Variants in PDGFRL observed in about 807,000 individuals in gnomAD.
PDGFRL encodes platelet-derived growth factor receptor-like protein.
In PDGFRL, 46 loss-of-function variants were observed where a neutral mutation model predicts 37.2. The ratio of observed to expected loss-of-function variants is 1.24; its 90% confidence interval spans 0.98 to 1.58. The LOEUF (loss-of-function observed/expected upper bound fraction) is 1.58, where lower values mean the gene tolerates loss of function less well. PDGFRL is among the 40% of genes most tolerant of loss of function. The pLI, the probability that PDGFRL is intolerant of heterozygous loss-of-function variation, is 0.00. For missense variants in PDGFRL, 692 were observed against 467.6 expected (o/e 1.48, Z -4.43); for synonymous variants, 251 against 184.3 (o/e 1.36, Z -2.93).
At chr8:17,635,642 G>C (rs1394454171) in intron 5 of PDGFRL, among the ~76,000 whole-genome samples, 1 of 152,198 alleles carries the variant, frequency 6.6e-6, no homozygotes, top group Admixed American at 6.5e-5. Context: ...TAGATACCCA[G>C]TAATGGGATT....
At chr8:17,583,689 G>T (rs1585296830) in intron 1 of PDGFRL, among the ~76,000 whole-genome samples, 1 of 152,160 alleles carries the variant, frequency 6.6e-6, no homozygotes, top group Non-Finnish European at 1.5e-5. Context: ...GACCCCTCAT[G>T]AATGGCTTGT....
chr8:17,641,105 C>A (rs574897676), intron 5 of PDGFRL, among the ~76,000 whole-genome samples: 16 of 152,124 alleles, frequency 1.1e-4, no homozygotes, highest in Non-Finnish European at 2.4e-4. Flanking sequence ...CCCAAAGGGC[C>A]GGTCTCACTC....
At chr8:17,633,409 T>C (rs1260084150) in intron 4 of PDGFRL, among the ~76,000 whole-genome samples, 3 of 152,092 alleles carry the variant, frequency 2.0e-5, no homozygotes, top group African/African-American at 7.2e-5. Flanking sequence ...GCGCCTGTAG[T>C]CCCAGCTACT....
chr8:17,619,340 T>G (rs1237204939), intron 2 of PDGFRL, among the ~76,000 whole-genome samples: 1 of 152,192 alleles, frequency 6.6e-6, no homozygotes, highest in African/African-American at 2.4e-5. Context: ...TAATTACCAT[T>G]GAAATTGGCT....
At chr8:17,602,185 A>T (rs60174905) in intron 2 of PDGFRL, among the ~76,000 whole-genome samples, 33,352 of 151,812 alleles carry the variant, frequency 0.22, 4,311 homozygotes, top group African/African-American at 0.33. Flanking sequence ...CTCATTGTGG[A>T]TTTGGTTTGG....
intron 2 of PDGFRL, among the ~76,000 whole-genome samples, chr8:17,597,997 C>G (rs1392829649): frequency 2.0e-5 from 1 of 49,742 alleles, no homozygotes; most frequent in Non-Finnish European, 1.8e-4. Flanking sequence ...TAGTTCCCAG[C>G]TTGTGGCTTT....
intron 3 of PDGFRL, among the ~76,000 whole-genome samples, chr8:17,621,994 A>G (rs1804645707): frequency 6.6e-6 from 1 of 152,078 alleles, no homozygotes; most frequent in Admixed American, 6.6e-5. Context: ...TGTGAATACT[A>G]TGAGCTGAGA....
At chr8:17,591,978 C>T (rs750699391) in intron 2 of PDGFRL, among the ~76,000 whole-genome samples, 4 of 152,120 alleles carry the variant, frequency 2.6e-5, no homozygotes, top group African/African-American at 4.8e-5. Context: ...ATGTTCACAA[C>T]GATTTATATT....
intron 2 of PDGFRL, among the ~76,000 whole-genome samples, chr8:17,620,572 G>A (rs1434042392): frequency 6.6e-6 from 1 of 152,004 alleles, no homozygotes; most frequent in Non-Finnish European, 1.5e-5. Context: ...TTTAAGTTAG[G>A]GTTCACATCT....
intron 1 of PDGFRL, among the ~76,000 whole-genome samples, chr8:17,586,754 T>C (rs1175282120): frequency 1.3e-5 from 2 of 152,212 alleles, no homozygotes; most frequent in Non-Finnish European, 2.9e-5. Context: ...ATTACAGTTA[T>C]TATGAGGTAG....
chr8:17,627,985 C>CTTTTTTT (rs1236164534), intron 3 of PDGFRL, among the ~76,000 whole-genome samples: 13 of 124,046 alleles, frequency 1.0e-4, no homozygotes, highest in African/African-American at 2.4e-4. Flanking sequence ...TGTTTTCTTT[C>CTTTTTTT]TTTCTTTTTT....
intron 2 of PDGFRL, among the ~76,000 whole-genome samples, chr8:17,608,250 TCC>T (rs1804326944): frequency 1.3e-5 from 2 of 152,164 alleles, no homozygotes; most frequent in Non-Finnish European, 2.9e-5. Context: ...ACTGCCTAGA[TCC>T]CAGATGAGAT....
At chr8:17,578,307 C>G (rs1184702242) in intron 1 of PDGFRL, among the ~76,000 whole-genome samples, 1 of 152,168 alleles carries the variant, frequency 6.6e-6, no homozygotes, top group Non-Finnish European at 1.5e-5. Flanking sequence ...ACATTTTTAT[C>G]CACTCGTTCA....
intron 2 of PDGFRL, among the ~76,000 whole-genome samples, chr8:17,592,636 C>T (rs1344849708): frequency 2.0e-5 from 3 of 152,142 alleles, no homozygotes; most frequent in Non-Finnish European, 4.4e-5. Flanking sequence ...CGAGTTTGCT[C>T]TTTCATAGCC....
Position 17,621,189 on chromosome 8 carries a change from C to A in PDGFRL, c.492C>A (p.Tyr164Ter). The A allele has an allele frequency of 2.5e-6, 4 of 1,607,798 alleles. No homozygotes were observed. The highest frequency in any genetic ancestry group is 3.4e-6 in the Non-Finnish European group (4 of 1,175,618). The change falls in exon 3 of 6, where the codon TAC becomes TAA. Residue 164 changes from tyrosine to a stop codon, truncating the protein, a stop_gained. Coordinates refer to ENST00000251630, the MANE Select transcript of PDGFRL (RefSeq NM_001372073.1). LOFTEE classifies it high-confidence loss of function. ...ACGAGGCCAAAACGGGCTCCACCTA[C>A]ATCTTTTTTACAGGTAAAATACTTG... The part of the protein sequence containing the change: ...RKDEAKTGST[Y>*]IFFTEKGELF...
intron 2 of PDGFRL, among the ~76,000 whole-genome samples, chr8:17,598,132 C>G (rs1415786668): frequency 6.6e-6 from 1 of 152,036 alleles, no homozygotes; most frequent in East Asian, 1.9e-4. Context: ...AATGTCTTAT[C>G]CTATATGTTT....
rs143253907 is a variant in PDGFRL, at chr8:17,580,569, CCTTT to C, written c.55+3267_55+3270del. On this transcript the variant is annotated intron_variant, in intron 1 of 5. Transcript: ENST00000251630. ...TCAAACCTAGACAAGGTTTTAAAAC[CCTTT>C]CTTTGTGGTGCTCAATGAAGGGAGA... is the stretch of plus-strand genomic sequence containing the variant. 2.7e-3 allele frequency among the ~76,000 whole-genome samples: 410 copies of C among 152,038 alleles called. 3 individuals are homozygous for C. The highest frequency in any genetic ancestry group is 9.1e-3 in the African/African-American group (375 of 41,428).
chr8:17,601,722 T>C (rs1428680533), intron 2 of PDGFRL, among the ~76,000 whole-genome samples: 1 of 152,180 alleles, frequency 6.6e-6, no homozygotes, highest in East Asian at 1.9e-4. Flanking sequence ...ATGTGGTATT[T>C]AGTCTTCAGT....
At chr8:17,616,169 A>AT (rs370794514) in intron 2 of PDGFRL, among the ~76,000 whole-genome samples, 36 of 144,158 alleles carry the variant, frequency 2.5e-4, no homozygotes, top group African/African-American at 6.1e-4. Flanking sequence ...TATTATTGTT[A>AT]TTATTTATTT....
Sources: allele counts gnomAD v4.1 joint callset (sites outside exome capture counted in the v4.1 genomes callset), GRCh38; gene constraint gnomAD v4.1.1; transcripts MANE v1.5; gene names NCBI Gene and HGNC (gene_info 2026-07-23, HGNC 2026-07-21).